AKAP6: variants seen among roughly 807,000 people sequenced by gnomAD.
AKAP6 encodes A-kinase anchor protein 6.
Under a neutral mutation model 188.5 loss-of-function variants are expected in AKAP6, and 58 were observed. The observed-to-expected ratio is 0.31, with a 90% CI of 0.25 to 0.38. The LOEUF (loss-of-function observed/expected upper bound fraction) is 0.38, where lower values mean the gene tolerates loss of function less well. Among genes scored for constraint, AKAP6 ranks in the 10% least tolerant of loss-of-function variants. The pLI, the probability that AKAP6 is intolerant of heterozygous loss-of-function variation, is 1.00. For synonymous variants in AKAP6, 989 were observed against 998.6 expected, an observed-to-expected ratio of 0.99 and a Z score of 0.18; for missense variants, 2,710 against 2,740.0, an observed-to-expected ratio of 0.99 and a Z score of 0.24.
chr14:32,590,962 C>T (rs1405644857), intron 5 of AKAP6, among the ~76,000 whole-genome samples: 1 of 152,132 alleles, frequency 6.6e-6, no homozygotes, highest in African/African-American at 2.4e-5. Flanking sequence ...AATAGATCTG[C>T]CCCAGGCTGC....
At chr14:32,382,487 C>T (rs1436348210) in intron 1 of AKAP6, among the ~76,000 whole-genome samples, 1 of 152,194 alleles carries the variant, frequency 6.6e-6, no homozygotes, top group Non-Finnish European at 1.5e-5. Context: ...AAGTGAGCTA[C>T]TTCATGAAAA....
intron 12 of AKAP6, among the ~76,000 whole-genome samples, chr14:32,817,424 A>G (rs1383841374): frequency 6.6e-6 from 1 of 150,794 alleles, no homozygotes; most frequent in African/African-American, 2.4e-5. Context: ...ATTTAATTCC[A>G]TTTGTTTCTT....
chr14:32,697,879 C>A (rs999720463), intron 9 of AKAP6, among the ~76,000 whole-genome samples: 1 of 152,130 alleles, frequency 6.6e-6, no homozygotes, highest in Admixed American at 6.6e-5. Flanking sequence ...CATTATTCCA[C>A]CCACTCAGAA....
At chr14:32,571,528 TA>T (rs1235252634) in intron 4 of AKAP6, among the ~76,000 whole-genome samples, 1 of 152,118 alleles carries the variant, frequency 6.6e-6, no homozygotes, top group South Asian at 2.1e-4. Context: ...ACCCTGTCTC[TA>T]AAAAATAAAT....
At chr14:32,777,636 T>C (rs2033107986) in intron 12 of AKAP6, among the ~76,000 whole-genome samples, 1 of 151,954 alleles carries the variant, frequency 6.6e-6, no homozygotes, top group African/African-American at 2.4e-5. Flanking sequence ...TTGTGCAAAA[T>C]GAAGCAGAAA....
intron 5 of AKAP6, among the ~76,000 whole-genome samples, chr14:32,593,621 C>A (rs1359826143): frequency 6.6e-6 from 1 of 152,102 alleles, no homozygotes; most frequent in African/African-American, 2.4e-5. Flanking sequence ...TAAAATAAAT[C>A]AAAATTCTCC....
chr14:32,789,403 G>A (rs1042543523), intron 12 of AKAP6, among the ~76,000 whole-genome samples: 2 of 152,194 alleles, frequency 1.3e-5, no homozygotes, highest in African/African-American at 4.8e-5. Flanking sequence ...GTAGATCCCT[G>A]ATCCCATTCC....
At chr14:32,392,509 A>C (rs1193324482) in intron 1 of AKAP6, among the ~76,000 whole-genome samples, 1 of 152,166 alleles carries the variant, frequency 6.6e-6, no homozygotes, top group Non-Finnish European at 1.5e-5. Context: ...GTCCACTGAG[A>C]GTCCTAGAAA....
intron 4 of AKAP6, among the ~76,000 whole-genome samples, chr14:32,572,640 G>A (rs1346074356): frequency 6.6e-6 from 1 of 152,210 alleles, no homozygotes; most frequent in Non-Finnish European, 1.5e-5. Context: ...CACTTTGCAA[G>A]ATTTGACTGT....
rs988900017 is a variant in AKAP6, at chr14:32,763,142, C to A, written c.3373-10536C>A. Among the ~76,000 whole-genome samples the A allele has an allele frequency of 2.0e-4, 31 of 152,170 alleles. 1 individual carries two copies. Among genetic ancestry groups the A allele is most frequent in the Admixed American group, 1.8e-3 (28 of 15,282 alleles). On this transcript the variant is annotated intron_variant, in intron 11 of 13. Transcript: ENST00000280979. The stretch of plus-strand genomic sequence containing the variant: ...ATGCTTGGTGAACCAACTCAGGAAG[C>A]TTTAATGCTATTTTTAAAATCTAGC...
intron 1 of AKAP6, among the ~76,000 whole-genome samples, chr14:32,380,963 A>G (rs1207212176): frequency 1.3e-5 from 2 of 152,194 alleles, no homozygotes; most frequent in African/African-American, 4.8e-5. Flanking sequence ...ATTTTTAAAA[A>G]TTACAATTCA....
intron 3 of AKAP6, among the ~76,000 whole-genome samples, chr14:32,539,807 G>T (rs1882839785): frequency 6.6e-6 from 1 of 152,026 alleles, no homozygotes; most frequent in Non-Finnish European, 1.5e-5. Flanking sequence ...TGTTCTCTGG[G>T]ATGCATTCGG....
chr14:32,668,767 T>C (rs1889055898), intron 7 of AKAP6, among the ~76,000 whole-genome samples: 1 of 152,084 alleles, frequency 6.6e-6, no homozygotes, highest in African/African-American at 2.4e-5. Flanking sequence ...AGTTTTGTGA[T>C]TATGATTAGT....
At chr14:32,451,293 T>TA (rs1890926614) in intron 2 of AKAP6, among the ~76,000 whole-genome samples, 1 of 152,222 alleles carries the variant, frequency 6.6e-6, no homozygotes, top group Non-Finnish European at 1.5e-5. Context: ...GTGAGTTGAA[T>TA]AATTTATTAT....
rs150069866 is a variant in AKAP6 at position 32,692,836 on chromosome 14, G to C, written c.2880-3154G>C. Among the ~76,000 whole-genome samples the C allele has an allele frequency of 3.1e-3, 473 of 152,062 alleles. 1 individual carries two copies. The highest frequency in any genetic ancestry group is 0.011 in the African/African-American group (460 of 41,492). ...AAAAAGAAACAAGCTTCTTTCTTTT[G>C]TCTTGCCAATTGATCATTTTTATGA... On this transcript the variant is annotated intron_variant, in intron 8 of 13. Coordinates refer to ENST00000280979, the MANE Select transcript of AKAP6 (RefSeq NM_004274.5).
intron 12 of AKAP6, among the ~76,000 whole-genome samples, chr14:32,788,166 CAG>C (rs2033487283): frequency 6.6e-6 from 1 of 151,382 alleles, no homozygotes. Context: ...TTCCAGTAGA[CAG>C]AGTAGATTTT....
intron 5 of AKAP6, among the ~76,000 whole-genome samples, chr14:32,585,710 G>A (rs748905909): frequency 1.3e-5 from 2 of 152,176 alleles, no homozygotes; most frequent in African/African-American, 2.4e-5. Flanking sequence ...AGTATTCTTA[G>A]GAGTGCAGAG....
At chr14:32,494,653 A>G (rs1260407613) in intron 2 of AKAP6, among the ~76,000 whole-genome samples, 1 of 152,138 alleles carries the variant, frequency 6.6e-6, no homozygotes, top group Non-Finnish European at 1.5e-5. Context: ...CTGGGGAATG[A>G]TGCACTATGT....
chr14:32,614,171 C>T (rs1886462908), intron 7 of AKAP6, among the ~76,000 whole-genome samples: 1 of 152,074 alleles, frequency 6.6e-6, no homozygotes, highest in African/African-American at 2.4e-5. Flanking sequence ...AGTGTTCTTC[C>T]TTGTTATTAT....
Sources: allele counts gnomAD v4.1 joint callset (sites outside exome capture counted in the v4.1 genomes callset), GRCh38; gene constraint gnomAD v4.1.1; transcripts MANE v1.5; gene names NCBI Gene and HGNC (gene_info 2026-07-23, HGNC 2026-07-21).